NEDD4: variants seen among roughly 807,000 people sequenced by gnomAD.
NEDD4 encodes NEDD4 E3 ubiquitin protein ligase.
NEDD4 carries 99 observed loss-of-function variants against 144.9 expected under a neutral mutation model. The observed-to-expected ratio is 0.68, with a 90% confidence interval of 0.58 to 0.81. The LOEUF (loss-of-function observed/expected upper bound fraction) is 0.81, where lower values mean the gene tolerates loss of function less well. NEDD4 is among the 30% of genes least tolerant of loss of function. The probability of loss-of-function intolerance (pLI) is 0.00; values close to 1 mark genes in which losing one functional copy is unlikely to be tolerated. For synonymous variants in NEDD4, 318 were observed against 350.6 expected (o/e 0.91, Z 1.04); for missense variants, 985 against 1,065.9 (o/e 0.92, Z 1.06).
chr15:55,832,477 C>T (rs748762298), intron 27 of NEDD4, among the ~76,000 whole-genome samples: 5 of 152,128 alleles, frequency 3.3e-5, no homozygotes, highest in African/African-American at 1.2e-4. Context: ...TACAGTGGTG[C>T]GATCTTGGCT....
intron 8 of NEDD4, among the ~76,000 whole-genome samples, chr15:55,864,687 GAAAA>G (rs57833326): frequency 1.6e-5 from 2 of 126,266 alleles, no homozygotes; most frequent in Non-Finnish European, 1.7e-5. Context: ...TGTCTCATAA[GAAAA>G]AAAAAAAAAA....
chr15:55,900,809 A>G (rs563371237), intron 5 of NEDD4, among the ~76,000 whole-genome samples: 1 of 152,164 alleles, frequency 6.6e-6, no homozygotes, highest in Non-Finnish European at 1.5e-5. Flanking sequence ...TTTTAATATG[A>G]AGATAAATTG....
At chr15:55,931,037 C>T (rs187773453) in intron 4 of NEDD4, among the ~76,000 whole-genome samples, 17 of 151,764 alleles carry the variant, frequency 1.1e-4, no homozygotes, top group Non-Finnish European at 2.4e-4. Flanking sequence ...TTTTAAAACA[C>T]GGGCGTAAAG....
chr15:55,883,548 T>A lies in NEDD4; in HGVS notation c.292-9540A>T, dbSNP rs574116792. 2.6e-5 allele frequency among the ~76,000 whole-genome samples: 4 copies of A among 152,174 alleles called. No individual in the cohort carries two copies. The East Asian group carries it at 7.7e-4, about 29-fold the overall frequency. ...CCTTGGAGCAAACAGAGGTGGCAGC[T>A]AGCGAGTGGTTACAGCAGGCCTTGG... On this transcript the variant is annotated intron_variant, in intron 5 of 28. Coordinates refer to ENST00000435532, the MANE Select transcript of NEDD4 (RefSeq NM_006154.4).
intron 8 of NEDD4, 58 bp downstream of exon 8, chr15:55,869,521 A>T: frequency 1.1e-6 from 1 of 934,086 alleles, no homozygotes; most frequent in Non-Finnish European, 1.7e-6. Context: ...TCTTCAGAGT[A>T]CAGTAAAATA....
At chr15:55,956,468 G>C (rs1455986794) in intron 2 of NEDD4, among the ~76,000 whole-genome samples, 1 of 152,076 alleles carries the variant, frequency 6.6e-6, no homozygotes, top group Non-Finnish European at 1.5e-5. Flanking sequence ...TATGATGTGT[G>C]GTAAGGACCA....
rs748364228 is a variant in NEDD4, at chr15:55,924,625, T to C, written c.291+21A>G. 3.8e-6 allele frequency: 6 copies of C among 1,596,736 alleles called. No individual in the cohort carries two copies. In the East Asian group the frequency reaches 9.0e-5, roughly 24 times the overall value. On this transcript the variant is annotated intron_variant, in intron 5 of 28. Transcript: ENST00000435532. Reference sequence around the variant, plus strand: ...AAATGTACCCTTACTTCATATTTCATATAAGCACAATATAACTTACCAATC... The same window carrying C: ...AAATGTACCCTTACTTCATATTTCACATAAGCACAATATAACTTACCAATC...
intron 5 of NEDD4, among the ~76,000 whole-genome samples, chr15:55,910,951 C>T (rs960739399): frequency 6.6e-6 from 1 of 152,054 alleles, no homozygotes; most frequent in Non-Finnish European, 1.5e-5. Flanking sequence ...AACTATCAGC[C>T]GAAGACCCCC....
chr15:55,880,765 G>T (rs138004913), intron 5 of NEDD4, among the ~76,000 whole-genome samples: 1 of 152,274 alleles, frequency 6.6e-6, no homozygotes, highest in African/African-American at 2.4e-5. Context: ...AGACAGCTAC[G>T]AGAGAGATGT....
At chr15:55,976,733 C>T (rs879740014) in intron 1 of NEDD4, among the ~76,000 whole-genome samples, 13 of 151,706 alleles carry the variant, frequency 8.6e-5, no homozygotes, top group East Asian at 1.9e-4. Context: ...GGGCTCACGC[C>T]GTTCTCCTGC....
chr15:55,858,188 T>G (rs2142026246), intron 11 of NEDD4, among the ~76,000 whole-genome samples: 1 of 152,282 alleles, frequency 6.6e-6, no homozygotes, highest in African/African-American at 2.4e-5. Flanking sequence ...CCTTGTTCTC[T>G]TCAATGGCTG....
intron 18 of NEDD4, among the ~76,000 whole-genome samples, chr15:55,846,245 G>A (rs572721978): frequency 6.6e-6 from 1 of 152,294 alleles, no homozygotes; most frequent in African/African-American, 2.4e-5. Flanking sequence ...GAATATTTGT[G>A]AAAGCCAGCT....
chr15:55,988,244 T>C (rs1406140020), intron 1 of NEDD4, among the ~76,000 whole-genome samples: 1 of 126,666 alleles, frequency 7.9e-6, no homozygotes, highest in African/African-American at 3.1e-5. Context: ...AAACACCGCA[T>C]ATTCTCACTC....
At chr15:55,936,655 T>C (rs1432884547) in intron 4 of NEDD4, among the ~76,000 whole-genome samples, 34 of 152,272 alleles carry the variant, frequency 2.2e-4, no homozygotes, top group African/African-American at 8.2e-4. Flanking sequence ...ATGTAGGAAA[T>C]GGGGTGAGGC....
intron 5 of NEDD4, among the ~76,000 whole-genome samples, chr15:55,891,876 G>C (rs1161712634): frequency 6.6e-6 from 1 of 152,096 alleles, no homozygotes; most frequent in East Asian, 1.9e-4. Flanking sequence ...TGCTTTAAGA[G>C]AATCCAAAGT....
chr15:55,968,935 T>C (rs2037561848), intron 1 of NEDD4, among the ~76,000 whole-genome samples: 1 of 152,102 alleles, frequency 6.6e-6, no homozygotes, highest in Non-Finnish European at 1.5e-5. Context: ...AATTAAACAA[T>C]TATTCTAACA....
intron 5 of NEDD4, among the ~76,000 whole-genome samples, chr15:55,887,162 A>C (rs1566933461): frequency 6.6e-6 from 1 of 152,146 alleles, no homozygotes; most frequent in African/African-American, 2.4e-5. Flanking sequence ...AGCAAAAATA[A>C]ATGAAATTGA....
intron 4 of NEDD4, among the ~76,000 whole-genome samples, chr15:55,932,459 T>C (rs1199196485): frequency 6.6e-6 from 1 of 152,192 alleles, no homozygotes; most frequent in Non-Finnish European, 1.5e-5. Flanking sequence ...GAAAACTGGC[T>C]AGCCATAGGT....
chr15:55,929,224 A>G (rs1418169622), intron 4 of NEDD4, among the ~76,000 whole-genome samples: 1 of 152,212 alleles, frequency 6.6e-6, no homozygotes, highest in Non-Finnish European at 1.5e-5. Context: ...GTACATGTAC[A>G]CACATGCACG....
Sources: gnomAD v4.1 joint callset for allele counts (sites outside exome capture counted in the v4.1 genomes callset) on GRCh38, gnomAD v4.1.1 for gene constraint, MANE v1.5 for transcripts, NCBI Gene and HGNC (gene_info 2026-07-23, HGNC 2026-07-21) for gene names.